PIK3C2G: variants seen among roughly 807,000 people sequenced by gnomAD.
PIK3C2G encodes the protein phosphatidylinositol-4-phosphate 3-kinase catalytic subunit type 2 gamma, also known as phosphatidylinositol 3-kinase C2 domain-containing subunit gamma.
In PIK3C2G, 168 loss-of-function variants were observed where a neutral mutation model predicts 181.1. That is an observed-to-expected ratio of 0.93 (90% CI 0.82 to 1.05). PIK3C2G has a LOEUF of 1.05. PIK3C2G is among the 50% of genes least tolerant of loss of function. The pLI, the probability that PIK3C2G is intolerant of heterozygous loss-of-function variation, is 0.00. For missense variants in PIK3C2G, 1,869 were observed against 1,732.8 expected (o/e 1.08, Z -1.40); for synonymous variants, 573 against 592.2 (o/e 0.97, Z 0.47).
chr12:18,502,066 G>A (rs1941529706), intron 22 of PIK3C2G, among the ~76,000 whole-genome samples: 1 of 152,154 alleles, frequency 6.6e-6, no homozygotes, highest in African/African-American at 2.4e-5. Flanking sequence ...GAGAAAACCT[G>A]GGCAACAGCC....
intron 24 of PIK3C2G, among the ~76,000 whole-genome samples, chr12:18,509,027 T>C (rs1420381947): frequency 2.6e-5 from 4 of 152,048 alleles, no homozygotes; most frequent in Admixed American, 2.6e-4. Context: ...CACAATATTA[T>C]TATTATTATT....
the PIK3C2G span, among the ~76,000 whole-genome samples, chr12:18,724,793 A>T: frequency 2.0e-5 from 3 of 152,118 alleles, no homozygotes; most frequent in African/African-American, 7.2e-5. Flanking sequence ...AAGCAAGTCA[A>T]TAAAAATTTA....
In PIK3C2G at chr12:18,442,164, A is replaced by T. The variant is rs1946779819; in HGVS notation, c.2504+18125A>T. On this transcript the variant is annotated intron_variant, in intron 18 of 32. Transcript: ENST00000538779. The stretch of plus-strand genomic sequence containing the variant: ...TATGTTTTTGCATCAATGATATTTA[A>T]ATGAAAGATATATTGATATGAATAA... 2.0e-5 allele frequency among the ~76,000 whole-genome samples: 3 copies of T among 151,526 alleles called. No homozygotes were observed. In the Admixed American group the frequency reaches 2.0e-4, roughly 10 times the overall value.
intron 20 of PIK3C2G, among the ~76,000 whole-genome samples, chr12:18,494,784 C>T (rs1267678229): frequency 2.0e-5 from 3 of 152,102 alleles, no homozygotes; most frequent in Non-Finnish European, 4.4e-5. Flanking sequence ...ACTTTTGCAA[C>T]AGAATTTCAT....
chr12:18,723,217 T>A, the PIK3C2G span: 1 of 1,121,178 alleles, frequency 8.9e-7, no homozygotes, highest in Non-Finnish European at 1.3e-6. Context: ...ATAACCACAA[T>A]TCATAAAAAT....
At chr12:18,318,328 TATTG>T (rs1950958011) in intron 6 of PIK3C2G, among the ~76,000 whole-genome samples, 1 of 152,186 alleles carries the variant, frequency 6.6e-6, no homozygotes, top group South Asian at 2.1e-4. Flanking sequence ...GTATATGATT[TATTG>T]ATTAACTTAA....
At chr12:18,351,459 A>G (rs1940205721) in intron 11 of PIK3C2G, among the ~76,000 whole-genome samples, 1 of 152,152 alleles carries the variant, frequency 6.6e-6, no homozygotes, top group South Asian at 2.1e-4. Flanking sequence ...AACAAGTCCT[A>G]TATCCTCTGA....
intron 18 of PIK3C2G, among the ~76,000 whole-genome samples, chr12:18,431,639 G>A (rs547389051): frequency 1.3e-5 from 2 of 152,110 alleles, no homozygotes; most frequent in African/African-American, 4.8e-5. Context: ...ACTTCAGGGA[G>A]GTCTTGCAGA....
chr12:18,381,525 A>G (rs972162815), intron 13 of PIK3C2G, among the ~76,000 whole-genome samples: 2 of 152,136 alleles, frequency 1.3e-5, no homozygotes, highest in African/African-American at 4.8e-5. Flanking sequence ...TGGGCAAATA[A>G]TTTTCTCATG....
chr12:18,561,864 T>C (rs1282612098), intron 26 of PIK3C2G, among the ~76,000 whole-genome samples: 1 of 151,948 alleles, frequency 6.6e-6, no homozygotes, highest in Non-Finnish European at 1.5e-5. Flanking sequence ...AAATATAGTA[T>C]TTAAGTATGC....
At chr12:18,693,947 T>G in the PIK3C2G span, 1 of 1,519,838 alleles carries the variant, frequency 6.6e-7, no homozygotes, top group Non-Finnish European at 9.1e-7. Flanking sequence ...AGATGACCTC[T>G]CTGGTGCTGA....
At chr12:18,410,831 G>T (rs1182326473) in intron 16 of PIK3C2G, among the ~76,000 whole-genome samples, 1 of 152,140 alleles carries the variant, frequency 6.6e-6, no homozygotes, top group Non-Finnish European at 1.5e-5. Flanking sequence ...GGTGCTTTCA[G>T]TACACTACTG....
intron 31 of PIK3C2G, among the ~76,000 whole-genome samples, chr12:18,637,820 CT>C: frequency 6.6e-6 from 1 of 152,266 alleles, no homozygotes; most frequent in Non-Finnish European, 1.5e-5. Context: ...TCTCCATATG[CT>C]TTTAATCCTT....
intron 29 of PIK3C2G, among the ~76,000 whole-genome samples, chr12:18,583,559 T>C (rs1157585139): frequency 1.3e-5 from 2 of 151,798 alleles, no homozygotes; most frequent in African/African-American, 4.8e-5. Flanking sequence ...CTCTGGAGAG[T>C]CTGTGGAGAT....
At chr12:18,353,638 C>T (rs1017833088) in intron 11 of PIK3C2G, among the ~76,000 whole-genome samples, 30 of 152,108 alleles carry the variant, frequency 2.0e-4, no homozygotes, top group Admixed American at 1.8e-3. Flanking sequence ...CTGTAAAAAC[C>T]GAGTTGGCCA....
At chr12:18,622,182 G>T (rs1014731296) in intron 31 of PIK3C2G, among the ~76,000 whole-genome samples, 23 of 151,698 alleles carry the variant, frequency 1.5e-4, no homozygotes, top group African/African-American at 5.3e-4. Context: ...GTCTAACTAG[G>T]CTTTGTAACC....
intron 18 of PIK3C2G, among the ~76,000 whole-genome samples, chr12:18,486,776 A>T (rs1940083478): frequency 6.6e-6 from 1 of 152,114 alleles, no homozygotes; most frequent in Non-Finnish European, 1.5e-5. Context: ...TCCCATGTAG[A>T]CTATAAAATG....
At chr12:18,723,285 G>T in the PIK3C2G span, 3 of 1,567,640 alleles carry the variant, frequency 1.9e-6, no homozygotes, top group South Asian at 2.3e-5. Context: ...TAAATATTCC[G>T]ATAAAAGTTT....
intron 18 of PIK3C2G, among the ~76,000 whole-genome samples, chr12:18,446,367 G>GA (rs1331918783): frequency 6.6e-6 from 1 of 151,834 alleles, no homozygotes; most frequent in Non-Finnish European, 1.5e-5. Context: ...AGATTACAGG[G>GA]AAAAAAAGAG....
Sources: allele counts gnomAD v4.1 joint callset (sites outside exome capture counted in the v4.1 genomes callset), GRCh38; gene constraint gnomAD v4.1.1; transcripts MANE v1.5; gene names NCBI Gene and HGNC (gene_info 2026-07-23, HGNC 2026-07-21).